Variants in SUN3 observed in about 807,000 individuals in gnomAD.
SUN3 encodes Sad1 and UNC84 domain containing 3.
SUN3 carries 36 observed loss-of-function variants against 48.2 expected under a neutral mutation model. The ratio of observed to expected loss-of-function variants is 0.75; its 90% CI spans 0.57 to 0.99. The LOEUF (loss-of-function observed/expected upper bound fraction) is 0.99. SUN3 is among the 50% of genes least tolerant of loss of function. The probability of loss-of-function intolerance (pLI) is 0.00; values close to 1 mark genes in which losing one functional copy is unlikely to be tolerated. For synonymous variants in SUN3, 148 were observed against 147.9 expected (o/e 1.00, Z 0.00); for missense variants, 419 against 433.1 (o/e 0.97, Z 0.29).
the SUN3 span, chr7:48,035,766 G>A: frequency 7.2e-5 from 42 of 584,530 alleles, no homozygotes; most frequent in African/African-American, 6.0e-4. The surrounding 1 kb of genome is among the most constrained non-coding windows in gnomAD (Gnocchi z 4.0). Context: ...GGGTTGGGAT[G>A]AGCACAGGGC....
intron 5 of SUN3, among the ~76,000 whole-genome samples, chr7:48,006,373 T>C (rs1789526103): frequency 1.3e-5 from 2 of 152,204 alleles, no homozygotes; most frequent in African/African-American, 4.8e-5. Context: ...GGTGAGGTGC[T>C]GTGACCTACT....
intron 6 of SUN3, among the ~76,000 whole-genome samples, chr7:48,004,402 C>G (rs1351385681): frequency 6.6e-6 from 1 of 152,226 alleles, no homozygotes; most frequent in African/African-American, 2.4e-5. Context: ...AGTGGTGGTT[C>G]CAATCTCAAT....
At chr7:48,006,552 C>G (rs768346190) in intron 5 of SUN3, among the ~76,000 whole-genome samples, 1 of 151,740 alleles carries the variant, frequency 6.6e-6, no homozygotes, top group Non-Finnish European at 1.5e-5. Context: ...TTCTAAAAAA[C>G]GAACAAACAA....
At chr7:48,016,562 C>T (rs1297346341) in intron 3 of SUN3, among the ~76,000 whole-genome samples, 1 of 151,954 alleles carries the variant, frequency 6.6e-6, no homozygotes, top group East Asian at 1.9e-4. Context: ...AGTGACTAGC[C>T]TCAGTCTAAG....
chr7:48,033,870 A>G (rs1421158064), upstream of SUN3, among the ~76,000 whole-genome samples: 2 of 152,258 alleles, frequency 1.3e-5, no homozygotes, highest in African/African-American at 2.4e-5. Flanking sequence ...CCTGGCCAAC[A>G]TGGCAAAACC....
intron 8 of SUN3, chr7:47,990,969 G>C (rs1250324610): frequency 2.2e-6 from 1 of 448,212 alleles, no homozygotes; most frequent in Non-Finnish European, 4.5e-6. Context: ...GTGGGAGGAG[G>C]GAGAGGAGCA....
chr7:48,009,141 T>C, intron 3 of SUN3, 66 bp from the exon 4 acceptor site: 6 of 1,500,794 alleles, frequency 4.0e-6, no homozygotes, highest in Admixed American at 1.9e-5. Context: ...CTTTTTTTTT[T>C]CTCAGAAAAG....
the SUN3 span, chr7:48,035,744 C>A: frequency 1.7e-6 from 1 of 583,038 alleles, no homozygotes; most frequent in Non-Finnish European, 3.0e-6. This position sits in a 1 kb window ranked among gnomAD's most constrained non-coding sequence, Gnocchi z 4.0. Flanking sequence ...GGGAGGGGAC[C>A]ACCTTGTCGC....
chr7:48,030,244 C>G (rs1206617759), upstream of SUN3, among the ~76,000 whole-genome samples: 2 of 152,102 alleles, frequency 1.3e-5, no homozygotes, highest in Non-Finnish European at 2.9e-5. Context: ...CAATTTACTA[C>G]TTATTTTCTG....
At chr7:48,035,224 G>A in the SUN3 span, among the ~76,000 whole-genome samples, 1 of 152,184 alleles carries the variant, frequency 6.6e-6, no homozygotes, top group Non-Finnish European at 1.5e-5. The surrounding 1 kb of genome is among the most constrained non-coding windows in gnomAD (Gnocchi z 4.0). Context: ...GGAGGACTGA[G>A]GCCTGACTCT....
rs1241640398 is a variant in SUN3, at chr7:47,987,461, GA to G, written c.955-13del. On this transcript the variant is annotated splice_polypyrimidine_tract_variant and intron_variant, in intron 9 of 9. Coordinates refer to ENST00000297325, the MANE Select transcript of SUN3 (RefSeq NM_001030019.2). ...TCAGAAACTGCATGCTGAAAATAAA[GA>G]AAAGAAAATCAATGCCTTATAACGA... 3.9e-6 allele frequency: 6 copies of G among 1,526,024 alleles called. No individual in the cohort carries two copies. Among genetic ancestry groups the G allele is most frequent in the Non-Finnish European group, 5.2e-6 (6 of 1,143,320 alleles). The allele number at this position is 1,526,024 out of a possible 1,614,324, so 94.5% of individuals were successfully genotyped here. A position where few individuals can be genotyped will look rare whatever the true frequency, so the allele number is the denominator to read the frequency against.
chr7:48,030,975 C>A (rs1158870579), upstream of SUN3, among the ~76,000 whole-genome samples: 3 of 152,092 alleles, frequency 2.0e-5, no homozygotes, highest in Admixed American at 2.0e-4. Context: ...ACACCATACC[C>A]AAATAATACC....
intron 1 of SUN3, 104 bp from the exon 2 acceptor site, chr7:48,026,042 T>C: frequency 1.3e-6 from 1 of 745,252 alleles, no homozygotes. Flanking sequence ...CTTATTTTCA[T>C]TCTTGCTTAA....
At chr7:47,995,025 T>C (rs1185358414) in intron 7 of SUN3, among the ~76,000 whole-genome samples, 1 of 152,078 alleles carries the variant, frequency 6.6e-6, no homozygotes, top group Admixed American at 6.5e-5. Flanking sequence ...ATGGCAATGG[T>C]ATCACCTAAA....
At chr7:48,015,247 G>A (rs1789779973) in intron 3 of SUN3, among the ~76,000 whole-genome samples, 2 of 152,192 alleles carry the variant, frequency 1.3e-5, no homozygotes, top group South Asian at 4.1e-4. Flanking sequence ...AGTCTTTGAT[G>A]TGAGAACCTC....
intron 3 of SUN3, among the ~76,000 whole-genome samples, chr7:48,011,238 T>C (rs1237733255): frequency 6.6e-6 from 1 of 152,176 alleles, no homozygotes; most frequent in Non-Finnish European, 1.5e-5. Flanking sequence ...ATCTGGGAAA[T>C]AGTGCTCCAT....
chr7:48,005,876 A>C, intron 6 of SUN3, 93 bp downstream of exon 6: 1 of 603,990 alleles, frequency 1.7e-6, no homozygotes, highest in Non-Finnish European at 2.8e-6. Flanking sequence ...CCAGATAAAT[A>C]TGTTTTCCTC....
At chr7:47,998,932 T>C (rs574921649) in intron 6 of SUN3, among the ~76,000 whole-genome samples, 1 of 152,176 alleles carries the variant, frequency 6.6e-6, no homozygotes, top group Non-Finnish European at 1.5e-5. Context: ...GTAGTGTGAG[T>C]TCTCCAACTT....
At chr7:48,031,733 A>G (rs1187838428), upstream of SUN3, among the ~76,000 whole-genome samples, 1 of 152,160 alleles carries the variant, frequency 6.6e-6, no homozygotes, top group Non-Finnish European at 1.5e-5. Flanking sequence ...AGTGTGTTGA[A>G]GAGATATTTG....
Sources: gnomAD v4.1 joint callset for allele counts (sites outside exome capture counted in the v4.1 genomes callset) on GRCh38, gnomAD v4.1.1 for gene constraint, Gnocchi (gnomAD v3.1) non-coding constraint, MANE v1.5 for transcripts, NCBI Gene and HGNC (gene_info 2026-07-23, HGNC 2026-07-21) for gene names.